The following ANXA6 variants were observed in gnomAD, a reference collection of about 807,000 sequenced individuals.
ANXA6 encodes the protein 67 kDa calelectrin.
ANXA6 carries 71 observed loss-of-function variants against 95.4 expected under a neutral mutation model. The observed-to-expected ratio is 0.74, with a 90% CI of 0.61 to 0.91. The LOEUF (loss-of-function observed/expected upper bound fraction) is 0.91. Among genes scored for constraint, ANXA6 ranks in the 40% least tolerant of loss-of-function variants. ANXA6 has a pLI of 0.00. For synonymous variants in ANXA6, 289 were observed against 315.9 expected (o/e 0.91, Z 0.90); for missense variants, 830 against 876.4 (o/e 0.95, Z 0.67).
At chr5:151,132,411 C>G in intron 10 of ANXA6, 65 bp downstream of exon 10, 1 of 1,238,980 alleles carries the variant, frequency 8.1e-7, no homozygotes, top group Non-Finnish European at 1.1e-6. Flanking sequence ...ATTCTCAGCC[C>G]CTTGTTCCTA....
At chr5:151,104,477 G>T (rs1356732234) in intron 24 of ANXA6, among the ~76,000 whole-genome samples, 3 of 152,180 alleles carry the variant, frequency 2.0e-5, no homozygotes, top group African/African-American at 7.2e-5. Flanking sequence ...ACCCTACCTA[G>T]GCCTGAGTTT....
chr5:151,103,434 C>A (rs1764604138), intron 25 of ANXA6, 136 bp downstream of exon 25: 3 of 701,536 alleles, frequency 4.3e-6, no homozygotes, highest in Non-Finnish European at 6.7e-6. Context: ...AATACAGACC[C>A]CCTTTCATTT....
chr5:151,129,221 C>A (rs997006205), intron 12 of ANXA6, among the ~76,000 whole-genome samples, 186 bp downstream of exon 12: 3 of 152,236 alleles, frequency 2.0e-5, no homozygotes, highest in African/African-American at 7.2e-5. Context: ...CACAAACACC[C>A]CTAACACTTG....
intron 2 of ANXA6, among the ~76,000 whole-genome samples, chr5:151,145,975 A>T (rs1271691711): frequency 6.6e-6 from 1 of 152,034 alleles, no homozygotes; most frequent in Non-Finnish European, 1.5e-5. Context: ...GCCCTCCTGC[A>T]TGCCCCAGAG....
intron 2 of ANXA6, among the ~76,000 whole-genome samples, chr5:151,146,035 C>T (rs1231650222): frequency 6.6e-6 from 1 of 152,170 alleles, no homozygotes; most frequent in African/African-American, 2.4e-5. Flanking sequence ...GCCAACTCAT[C>T]CCATAGGAGG....
intron 13 of ANXA6, 91 bp from the exon 14 acceptor site, chr5:151,126,571 C>CACACA: frequency 1.1e-6 from 1 of 912,784 alleles, no homozygotes; most frequent in Non-Finnish European, 1.7e-6. Context: ...CACACACACA[C>CACACA]CCCAACACAT....
chr5:151,147,562 G>A (rs1766003172), intron 2 of ANXA6, among the ~76,000 whole-genome samples: 1 of 152,132 alleles, frequency 6.6e-6, no homozygotes, highest in Non-Finnish European at 1.5e-5. Flanking sequence ...GCCACCGGAA[G>A]AAGCCCAGCT....
chr5:151,125,803 A>T (rs1765299283), intron 14 of ANXA6, among the ~76,000 whole-genome samples: 1 of 152,140 alleles, frequency 6.6e-6, no homozygotes, highest in South Asian at 2.1e-4. Context: ...GCCCTAAGAG[A>T]TCACCGAGAT....
At chr5:151,102,429 T>A (rs1764574700) in intron 25 of ANXA6, among the ~76,000 whole-genome samples, 1 of 151,912 alleles carries the variant, frequency 6.6e-6, no homozygotes, top group South Asian at 2.1e-4. Flanking sequence ...CGCAGCCAGG[T>A]GTGGTGGCTC....
intron 23 of ANXA6, among the ~76,000 whole-genome samples, chr5:151,107,759 A>C (rs1764736595): frequency 6.6e-6 from 1 of 152,232 alleles, no homozygotes; most frequent in South Asian, 2.1e-4. Context: ...CGGTGGAATT[A>C]AGATCCAAAA....
At chr5:151,143,267 C>A (rs556507168) in intron 2 of ANXA6, among the ~76,000 whole-genome samples, 1 of 152,146 alleles carries the variant, frequency 6.6e-6, no homozygotes, top group African/African-American at 2.4e-5. Context: ...TAAGAAGGGA[C>A]AACCACCACA....
At position 151,109,783 on chromosome 5, in the gene ANXA6, A is replaced by G. The variant is rs1664242579; in HGVS notation, c.1654T>C (p.Cys552Arg). ...SLETRFMTILCTRSYPHLRRV... is the reference protein window; with the variant it reads ...SLETRFMTILRTRSYPHLRRV... ...CGGAGGTGCGGATAGCTCCGGGTAC[A>G]CAGGATCGTCATGAAACGTGTCTCC... The change falls in exon 22 of 26, where the codon TGT becomes CGT. Residue 552 changes from cysteine to arginine, a missense_variant. By Grantham distance (180) the Cys-to-Arg change is radical. Transcript: ENST00000354546. The G allele has an allele frequency of 6.2e-7, 1 of 1,611,554 alleles. No individual in the cohort carries two copies. Among genetic ancestry groups the G allele is most frequent in the African/African-American group, 1.3e-5 (1 of 74,876 alleles).
chr5:151,131,806 C>T (rs1404195236), intron 10 of ANXA6, among the ~76,000 whole-genome samples: 1 of 152,128 alleles, frequency 6.6e-6, no homozygotes, highest in Non-Finnish European at 1.5e-5. Flanking sequence ...CTCAGACATG[C>T]TAACTGCTGG....
chr5:151,154,673 C>A (rs561426683), intron 1 of ANXA6, among the ~76,000 whole-genome samples: 1 of 152,220 alleles, frequency 6.6e-6, no homozygotes, highest in Non-Finnish European at 1.5e-5. Context: ...CGTGGGCACA[C>A]CCCCCAGCTT....
In ANXA6 at chr5:151,147,865, G is replaced by A; in HGVS notation, c.18+19C>T. On this transcript the variant is annotated intron_variant, in intron 2 of 25. Coordinates refer to ENST00000354546, the MANE Select transcript of ANXA6 (RefSeq NM_001155.5). ...CAGAGAAGGCTGAGTACCACCTTCA[G>A]GAAAGAGAGGCCCCTTACCTGTGCT... is the stretch of plus-strand genomic sequence containing the variant. 1 of 1,593,390 alleles carries A rather than the reference G, an allele frequency of 6.3e-7. No homozygotes were observed. The highest frequency in any genetic ancestry group is 8.6e-7 in the Non-Finnish European group (1 of 1,169,548).
Position 151,105,368 on chromosome 5 carries a change from G to A in ANXA6, c.1781-65C>T, listed in dbSNP as rs367989243. Reference sequence around the variant, plus strand: ...AGGCTGTGAACCCAGACTCTGGACCGGCCTCCCCCATCTCCCCACCTCGTC... The same window carrying A: ...AGGCTGTGAACCCAGACTCTGGACCAGCCTCCCCCATCTCCCCACCTCGTC... On this transcript the variant is annotated intron_variant, in intron 23 of 25. Transcript: ENST00000354546. 138 of 1,467,178 alleles carry A rather than the reference G, an allele frequency of 9.4e-5. 1 individual carries two copies. In the African/African-American group the frequency reaches 1.1e-3, roughly 12 times the overall value. 90.9% of individuals were successfully genotyped at this position (1,467,178 alleles called of 1,614,324 possible).
chr5:151,132,359 G>A (rs998252501), intron 10 of ANXA6, 117 bp downstream of exon 10: 1 of 815,554 alleles, frequency 1.2e-6, no homozygotes. Flanking sequence ...GGCCCACATG[G>A]TTTTCTCCTT....
intron 25 of ANXA6, among the ~76,000 whole-genome samples, chr5:151,102,396 C>A (rs551259801): frequency 6.6e-6 from 1 of 152,194 alleles, no homozygotes; most frequent in East Asian, 1.9e-4. Context: ...AAAATATAAG[C>A]TCCATATGTC....
At chr5:151,152,830 A>T (rs1271382615) in intron 1 of ANXA6, among the ~76,000 whole-genome samples, 2 of 152,160 alleles carry the variant, frequency 1.3e-5, no homozygotes, top group African/African-American at 4.8e-5. Context: ...GAATAGTAAC[A>T]CCAGGGTAAG....
Sources: gnomAD v4.1 joint callset for allele counts (sites outside exome capture counted in the v4.1 genomes callset) on GRCh38, gnomAD v4.1.1 for gene constraint, MANE v1.5 for transcripts, NCBI Gene and HGNC (gene_info 2026-07-23, HGNC 2026-07-21) for gene names.